Variants in MACROD2 observed in about 807,000 individuals in gnomAD.
MACROD2 encodes the protein mono-ADP ribosylhydrolase 2.
In MACROD2, 36 loss-of-function variants were observed where a neutral mutation model predicts 70.4. That is an observed-to-expected ratio of 0.51 (90% confidence interval 0.39 to 0.68). MACROD2 has a LOEUF of 0.68. Among genes scored for constraint, MACROD2 ranks in the 30% least tolerant of loss-of-function variants. The probability of loss-of-function intolerance (pLI) is 0.00; values close to 1 mark genes in which losing one functional copy is unlikely to be tolerated. For synonymous variants in MACROD2, 172 were observed against 178.8 expected (o/e 0.96, Z 0.30); for missense variants, 496 against 538.4 (o/e 0.92, Z 0.78).
chr20:14,842,126 G>A (rs73106539), intron 5 of MACROD2, among the ~76,000 whole-genome samples: 7 of 152,250 alleles, frequency 4.6e-5, no homozygotes, highest in Non-Finnish European at 7.4e-5. Context: ...TGGCATGATT[G>A]AAGGCATCGC....
At chr20:14,916,413 A>C (rs1187449455) in intron 5 of MACROD2, among the ~76,000 whole-genome samples, 1 of 152,174 alleles carries the variant, frequency 6.6e-6, no homozygotes, top group East Asian at 1.9e-4. Flanking sequence ...ACTTGGGCGA[A>C]AAATCCAGGC....
At chr20:14,849,403 C>A (rs1187562327) in intron 5 of MACROD2, among the ~76,000 whole-genome samples, 4 of 152,112 alleles carry the variant, frequency 2.6e-5, no homozygotes, top group Admixed American at 2.6e-4. Context: ...GATGTTGCGA[C>A]TCTAACTTCG....
At chr20:15,759,649 A>C (rs908606693) in intron 8 of MACROD2, among the ~76,000 whole-genome samples, 2 of 152,200 alleles carry the variant, frequency 1.3e-5, no homozygotes, top group African/African-American at 4.8e-5. Context: ...CCGGGAGTTT[A>C]AAGTGCCTTC....
At chr20:14,909,046 T>A (rs60916769) in intron 5 of MACROD2, among the ~76,000 whole-genome samples, 17 of 152,274 alleles carry the variant, frequency 1.1e-4, no homozygotes, top group African/African-American at 4.1e-4. Context: ...AAAATGATTT[T>A]AAAAATATTC....
intron 8 of MACROD2, among the ~76,000 whole-genome samples, chr20:15,838,980 G>A (rs946971376): frequency 3.3e-5 from 5 of 152,106 alleles, no homozygotes; most frequent in African/African-American, 4.8e-5. Context: ...TGTAAACTGT[G>A]TGCTTATATA....
At chr20:14,355,713 G>T (rs2083165766) in intron 3 of MACROD2, among the ~76,000 whole-genome samples, 1 of 152,124 alleles carries the variant, frequency 6.6e-6, no homozygotes, top group African/African-American at 2.4e-5. Flanking sequence ...GTTTACAGTG[G>T]TTATCTCTGA....
chr20:15,146,384 A>G (rs938836650), intron 5 of MACROD2, among the ~76,000 whole-genome samples: 1 of 152,174 alleles, frequency 6.6e-6, no homozygotes, highest in Admixed American at 6.5e-5. Context: ...GAAAATGGAA[A>G]TCAGGGCCTT....
At chr20:14,637,825 A>G (rs559316491) in intron 4 of MACROD2, among the ~76,000 whole-genome samples, 94 of 152,282 alleles carry the variant, frequency 6.2e-4, no homozygotes, top group South Asian at 2.1e-3. Context: ...ACAGCTGGAC[A>G]AGTAGAGATT....
intron 6 of MACROD2, among the ~76,000 whole-genome samples, chr20:15,382,120 C>T (rs2045652605): frequency 6.6e-6 from 1 of 152,042 alleles, no homozygotes; most frequent in South Asian, 2.1e-4. Flanking sequence ...TGCTCCATTT[C>T]CTCGTGTCTG....
intron 5 of MACROD2, among the ~76,000 whole-genome samples, chr20:14,805,346 G>T (rs550584901): frequency 6.6e-6 from 1 of 152,038 alleles, no homozygotes; most frequent in South Asian, 2.1e-4. Flanking sequence ...CTAGCCTCTG[G>T]CAATGATTTG....
chr20:14,245,922 G>T (rs2122249823), intron 3 of MACROD2, among the ~76,000 whole-genome samples: 3 of 152,204 alleles, frequency 2.0e-5, no homozygotes, highest in Middle Eastern at 6.8e-3. Flanking sequence ...ATTATCTCAG[G>T]TTCTGCACAT....
At chr20:15,381,269 C>G (rs567979973) in intron 6 of MACROD2, among the ~76,000 whole-genome samples, 2 of 152,164 alleles carry the variant, frequency 1.3e-5, no homozygotes, top group African/African-American at 4.8e-5. Context: ...GACCCACTAT[C>G]TAGCCAAGAG....
intron 5 of MACROD2, among the ~76,000 whole-genome samples, chr20:14,986,901 C>T (rs963850950): frequency 6.6e-6 from 1 of 152,100 alleles, no homozygotes; most frequent in Admixed American, 6.5e-5. Flanking sequence ...CGATTTGGCA[C>T]GGAGTTCATT....
chr20:14,382,060 AT>A (rs11475740), intron 3 of MACROD2, among the ~76,000 whole-genome samples: 61,615 of 121,954 alleles, frequency 0.51, 14,179 homozygotes, highest in South Asian at 0.63. Context: ...AATGGGATTG[AT>A]TTTTTTTTTT....
chr20:16,032,081 C>G, intron 15 of MACROD2, among the ~76,000 whole-genome samples: 1 of 152,012 alleles, frequency 6.6e-6, no homozygotes, highest in South Asian at 2.1e-4. Flanking sequence ...TTTAATGTCA[C>G]TACAGTTATT....
intron 3 of MACROD2, among the ~76,000 whole-genome samples, chr20:14,397,053 G>A (rs1227757783): frequency 2.9e-5 from 4 of 138,334 alleles, no homozygotes; most frequent in African/African-American, 8.1e-5. Context: ...GGAGTGCAGT[G>A]GCGCAATCTC....
At chr20:14,060,865 T>C in intron 2 of MACROD2, among the ~76,000 whole-genome samples, 1 of 152,168 alleles carries the variant, frequency 6.6e-6, no homozygotes, top group Admixed American at 6.5e-5. Context: ...CAATAGCCTT[T>C]GTTTAATTGA....
intron 8 of MACROD2, among the ~76,000 whole-genome samples, chr20:15,676,305 A>G (rs538521421): frequency 6.6e-6 from 1 of 152,354 alleles, no homozygotes; most frequent in East Asian, 1.9e-4. Context: ...TGAGTCATGC[A>G]TTTGAACATT....
intron 5 of MACROD2, chr20:14,850,065 A>C (rs769425608): frequency 1.2e-5 from 6 of 480,422 alleles, no homozygotes; most frequent in Admixed American, 2.3e-5. Context: ...GACTTAATGA[A>C]ATCTCAATAC....
Sources: allele counts gnomAD v4.1 joint callset (sites outside exome capture counted in the v4.1 genomes callset), GRCh38; gene constraint gnomAD v4.1.1; transcripts MANE v1.5; gene names NCBI Gene and HGNC (gene_info 2026-07-23, HGNC 2026-07-21).